YME1L1: variants seen among roughly 807,000 people sequenced by gnomAD.
YME1L1 encodes the protein ATP-dependent zinc metalloprotease YME1L1.
A neutral mutation model predicts 90.4 loss-of-function variants in YME1L1; 39 were observed. The ratio of observed to expected loss-of-function variants is 0.43; its 90% CI spans 0.33 to 0.56. The LOEUF is 0.56. YME1L1 is among the 20% of genes least tolerant of loss of function. The pLI, the probability that YME1L1 is intolerant of heterozygous loss-of-function variation, is 0.03. For synonymous variants in YME1L1, 284 were observed against 287.3 expected, an observed-to-expected ratio of 0.99 and a Z score of 0.12; for missense variants, 617 against 868.4, an observed-to-expected ratio of 0.71 and a Z score of 3.64.
At chr10:27,114,853 G>T (rs1004234249) in intron 17 of YME1L1, among the ~76,000 whole-genome samples, 1 of 151,894 alleles carries the variant, frequency 6.6e-6, no homozygotes, top group Non-Finnish European at 1.5e-5. Flanking sequence ...ACGGAGAAAC[G>T]CCATTTCTTC....
At chr10:27,130,173 T>C (rs1268810834) in intron 8 of YME1L1, among the ~76,000 whole-genome samples, 3 of 152,192 alleles carry the variant, frequency 2.0e-5, no homozygotes, top group South Asian at 2.1e-4. Context: ...GGCCCATCAA[T>C]AGCATTTCAC....
intron 17 of YME1L1, among the ~76,000 whole-genome samples, chr10:27,115,273 A>C (rs767538243): frequency 1.1e-4 from 16 of 152,062 alleles, no homozygotes; most frequent in Admixed American, 2.6e-4. Flanking sequence ...AAACAAAAAA[A>C]CACTAATATC....
chr10:27,122,784 G>A (rs1409212430), intron 11 of YME1L1, 57 bp downstream of exon 11: 11 of 1,596,780 alleles, frequency 6.9e-6, no homozygotes, highest in African/African-American at 4.0e-5. Context: ...TCAATTCTAC[G>A]TATATCAAAT....
chr10:27,142,314 C>T, intron 4 of YME1L1, 73 bp downstream of exon 4: 1 of 862,896 alleles, frequency 1.2e-6, no homozygotes, highest in Non-Finnish European at 1.7e-6. Flanking sequence ...GAATTAATAC[C>T]ATTAAGAAAG....
At position 27,123,614 on chromosome 10, in the gene YME1L1, A is replaced by C; in HGVS notation, c.1035T>G (p.Tyr345Ter). 1 of 1,614,088 alleles carries C rather than the reference A, an allele frequency of 6.2e-7. No individual in the cohort carries two copies. The change falls in exon 10 of 19, where the codon TAT becomes TAG. Residue 345 changes from tyrosine (Y) to a stop codon, truncating the protein, a stop_gained. Transcript: ENST00000376016. LOFTEE classifies it high-confidence loss of function. ...TCTCATCAAATTCGGATCCAGAAGC[A>C]TAATAAAAAGGAACATCAGCTTCTC... ...VAGEADVPFY[Y>*]ASGSEFDEMF... is the part of the protein sequence containing the mutation.
At chr10:27,136,215 A>G in intron 5 of YME1L1, 61 bp downstream of exon 5, 19 of 1,320,122 alleles carry the variant, frequency 1.4e-5, no homozygotes, top group Non-Finnish European at 1.9e-5. Context: ...CAGATATTGA[A>G]GCTCCTCACT....
rs1588588924 is a variant in YME1L1 at position 27,122,861 on chromosome 10, T to C, written c.1215A>G (p.Gln405=). 1.9e-6 allele frequency: 3 copies of C among 1,613,310 alleles called. No individual in the cohort carries two copies. Among genetic ancestry groups the C allele is most frequent in the Non-Finnish European group, 2.5e-6 (3 of 1,179,666 alleles). The change falls in exon 11 of 19, where the codon CAA becomes CAG. Residue 405 remains glutamine, a synonymous_variant. Transcript: ENST00000376016. ...ATTACCCATCCATTTCAGCAAGAAG[T>C]TGATTTATGGTCTGCCTTGAATATG... ...MHPYSRQTIN[Q]LLAEMDGFKP...
At chr10:27,123,454 A>G (rs2056886474) in intron 10 of YME1L1, 93 bp downstream of exon 10, 1 of 1,424,510 alleles carries the variant, frequency 7.0e-7, no homozygotes, top group Admixed American at 2.5e-5. Context: ...AAATTAAAAA[A>G]AGGAAGAAAA....
At position 27,153,178 on chromosome 10, in the gene YME1L1, T is replaced by C. The variant is rs187475318; in HGVS notation, c.33+1000A>G. On this transcript the variant is annotated intron_variant, in intron 1 of 18. Transcript: ENST00000376016. ...TTCACCTTGCTAAGTCCTACTCATA[T>C]TTACTTCATATCAATATTAAGAGAA... 7.9e-4 allele frequency: 370 copies of C among 470,718 alleles called. 5 individuals carry two copies. The highest frequency in any genetic ancestry group is 3.5e-3 in the South Asian group (229 of 64,558). The allele number at this position is 470,718 out of a possible 1,614,324, so 29.2% of individuals were successfully genotyped here.
At chr10:27,134,567 C>T (rs756310604) in intron 6 of YME1L1, among the ~76,000 whole-genome samples, 69 of 152,322 alleles carry the variant, frequency 4.5e-4, no homozygotes, top group South Asian at 1.0e-3. Context: ...GAAGCAAGAC[C>T]GTGTCTCAAA....
chr10:27,119,574 T>G, intron 13 of YME1L1, 125 bp from the exon 14 acceptor site: 1 of 1,036,558 alleles, frequency 9.6e-7, no homozygotes, highest in Non-Finnish European at 1.3e-6. Context: ...TTTGGGAGGC[T>G]GGGGCAGGCA....
intron 2 of YME1L1, among the ~76,000 whole-genome samples, chr10:27,148,028 G>A (rs1015965124): frequency 6.6e-6 from 1 of 152,122 alleles, no homozygotes. Flanking sequence ...TGGGGATGGA[G>A]AACTCTTCCT....
At chr10:27,147,384 G>C (rs750595985) in intron 2 of YME1L1, 7 of 1,567,740 alleles carry the variant, frequency 4.5e-6, no homozygotes, top group Non-Finnish European at 6.1e-6. Context: ...CTGGATGAGA[G>C]AGAAGGCTGA....
rs73598021 is a variant in YME1L1 at position 27,114,329 on chromosome 10, T to A, written c.2007+192A>T. On this transcript the variant is annotated intron_variant, in intron 18 of 18. Transcript: ENST00000376016. ...GAGAGGTGCCTTAATAACATTTAAA[T>A]CATTGCTGAAATGCTGCAACTATTA... Among the ~76,000 whole-genome samples the A allele has an allele frequency of 0.054, 8,290 of 152,276 alleles. 246 individuals are homozygous for A. The highest frequency in any genetic ancestry group is 0.077 in the African/African-American group (3,214 of 41,540).
chr10:27,136,522 T>C, intron 4 of YME1L1, 137 bp from the exon 5 acceptor site: 1 of 708,790 alleles, frequency 1.4e-6, no homozygotes, highest in Non-Finnish European at 2.3e-6. Flanking sequence ...CGTTTTCCTT[T>C]GTTTCCTTCT....
In YME1L1 at chr10:27,148,892, G is replaced by A. The variant is rs1413156356; in HGVS notation, c.168+14C>T. ...TCAAAAAGGCTTTCTCACACAACCA[G>A]GATAAAGACTTACCTCACTGCTGGG... On this transcript the variant is annotated intron_variant, in intron 2 of 18. Transcript: ENST00000376016. The A allele has an allele frequency of 5.0e-6, 8 of 1,613,014 alleles. No individual in the cohort carries two copies. The highest frequency in any genetic ancestry group is 6.8e-6 in the Non-Finnish European group (8 of 1,179,858).
intron 7 of YME1L1, 54 bp from the exon 8 acceptor site, chr10:27,131,995 A>C: frequency 6.8e-7 from 1 of 1,463,734 alleles, no homozygotes; most frequent in Non-Finnish European, 9.3e-7. Flanking sequence ...CATTCCAATC[A>C]CCTTGTTTTT....
intron 17 of YME1L1, 121 bp downstream of exon 17, chr10:27,115,939 C>A: frequency 1.1e-6 from 1 of 875,680 alleles, no homozygotes; most frequent in Non-Finnish European, 1.8e-6. Context: ...GAATAAAGAG[C>A]CTCAAATCCA....
At chr10:27,121,579 C>T in intron 11 of YME1L1, 131 bp from the exon 12 acceptor site, 1 of 646,096 alleles carries the variant, frequency 1.5e-6, no homozygotes. Flanking sequence ...GGCTGAAGCG[C>T]ACCAGTATGA....
Sources: gnomAD v4.1 joint callset for allele counts (sites outside exome capture counted in the v4.1 genomes callset) on GRCh38, gnomAD v4.1.1 for gene constraint, MANE v1.5 for transcripts, NCBI Gene and HGNC (gene_info 2026-07-23, HGNC 2026-07-21) for gene names.